TCTN3: variants seen among roughly 807,000 people sequenced by gnomAD.
The protein encoded by TCTN3 is tectonic family member 3, also known as tectonic-3.
TCTN3 carries 57 observed loss-of-function variants against 71.3 expected under a neutral mutation model. The ratio of observed to expected loss-of-function variants is 0.80; its 90% confidence interval spans 0.65 to 1.00. The LOEUF is 1.00. Ranked by LOEUF, TCTN3 falls within the 50% of genes least tolerant of loss-of-function variation. The pLI, the probability that TCTN3 is intolerant of heterozygous loss-of-function variation, is 0.00. For missense variants in TCTN3, 696 were observed against 719.9 expected (o/e 0.97, Z 0.38); for synonymous variants, 258 against 267.8 (o/e 0.96, Z 0.36).
Position 95,664,064 on chromosome 10 carries a change from T to C in TCTN3, c.*3A>G. 1 of 1,612,968 alleles carries C rather than the reference T, an allele frequency of 6.2e-7. No individual in the cohort carries two copies. The highest frequency in any genetic ancestry group is 8.5e-7 in the Non-Finnish European group (1 of 1,179,110). The stretch of plus-strand genomic sequence containing the variant: ...AAACTGAAATCTGATTATTTTCTTT[T>C]CTTCACATAGTCTCTAGGTTGAGAA... On this transcript the variant is annotated 3_prime_UTR_variant, in exon 14 of 14. Transcript: ENST00000371217.
intron 2 of TCTN3, 65 bp downstream of exon 2, chr10:95,693,288 A>G: frequency 1.3e-6 from 2 of 1,545,812 alleles, no homozygotes; most frequent in South Asian, 2.4e-5. Flanking sequence ...CTCTTCTTAC[A>G]TCCAAATGTT....
chr10:95,668,234 C>T (rs1278738824), intron 13 of TCTN3, among the ~76,000 whole-genome samples: 1 of 126,738 alleles, frequency 7.9e-6, no homozygotes, highest in Non-Finnish European at 1.6e-5. Flanking sequence ...TAGCGACACC[C>T]TAACAGATTA....
chr10:95,675,093 A>C (rs1352865538), intron 13 of TCTN3, among the ~76,000 whole-genome samples: 1 of 152,074 alleles, frequency 6.6e-6, no homozygotes, highest in East Asian at 1.9e-4. Context: ...TCAAGTGGTT[A>C]TATGTTTTAT....
intron 12 of TCTN3, 89 bp downstream of exon 12, chr10:95,682,562 T>G: frequency 2.1e-6 from 3 of 1,435,580 alleles, no homozygotes; most frequent in Non-Finnish European, 2.8e-6. Flanking sequence ...GCATTATCTA[T>G]GGAGACAAGG....
In TCTN3 at chr10:95,693,913, C is replaced by T. The variant is rs562527562; in HGVS notation, c.-14G>A. 3.2e-6 allele frequency: 5 copies of T among 1,551,558 alleles called. No individual in the cohort carries two copies. The highest frequency in any genetic ancestry group is 1.7e-4 in the Middle Eastern group (1 of 5,934). On this transcript the variant is annotated 5_prime_UTR_variant, in exon 1 of 14. Coordinates refer to ENST00000371217, the MANE Select transcript of TCTN3 (RefSeq NM_015631.6). ...TGGGGTGCGCATGGGGCATTCAGGG[C>T]CTCCGGGTCCGACGTAGGCCTCCGC...
Position 95,665,684 on chromosome 10 carries a change from G to C in TCTN3, c.1591-1384C>G, listed in dbSNP as rs186803627. 2.2e-4 allele frequency among the ~76,000 whole-genome samples: 34 copies of C among 152,230 alleles called. No individual in the cohort carries two copies. The East Asian group carries it at 6.2e-3, about 28-fold the overall frequency. ...TTCTAACTCATTTCAGAGCCTTTAG[G>C]AGGGCTTATTTGAAACTGCCCTCTC... On this transcript the variant is annotated intron_variant, in intron 13 of 13. Transcript: ENST00000371217.
In TCTN3 at chr10:95,672,160, T is replaced by TTGTGTGTGTGTGTGTGTG. The variant is rs10525130; in HGVS notation, c.1591-7861_1591-7860insCACACACACACACACACA. ...TATCATTAAAAATTAATTATTATTATTGTGTGTGTGTGTCTGGCTTCTTTC... is the reference window on the plus strand; with the variant it reads ...TATCATTAAAAATTAATTATTATTATTGTGTGTGTGTGTGTGTGTGTGTGTGTGTGTCTGGCTTCTTTC... On this transcript the variant is annotated intron_variant, in intron 13 of 13. Coordinates refer to ENST00000371217, the MANE Select transcript of TCTN3 (RefSeq NM_015631.6). Among the ~76,000 whole-genome samples the TTGTGTGTGTGTGTGTGTG allele has an allele frequency of 5.3e-3, 743 of 139,662 alleles. 7 individuals carry two copies. The highest frequency in any genetic ancestry group is 0.014 in the East Asian group (69 of 5,028). The allele number at this position is 139,662 out of a possible 152,430, so 91.6% of individuals were successfully genotyped here. A position where few individuals can be genotyped will look rare whatever the true frequency, so the allele number is the denominator to read the frequency against.
intron 3 of TCTN3, among the ~76,000 whole-genome samples, chr10:95,692,234 C>T (rs1015501388): frequency 1.6e-4 from 25 of 151,956 alleles, no homozygotes; most frequent in African/African-American, 6.0e-4. Flanking sequence ...TGTGGCCAGG[C>T]GCGGTGGCTC....
intron 13 of TCTN3, among the ~76,000 whole-genome samples, chr10:95,669,505 C>A (rs562425859): frequency 6.6e-6 from 1 of 152,166 alleles, no homozygotes; most frequent in African/African-American, 2.4e-5. Context: ...CAAACTCCCA[C>A]CCAAGTTCAG....
intron 13 of TCTN3, among the ~76,000 whole-genome samples, chr10:95,665,479 C>T (rs2097924833): frequency 6.6e-6 from 1 of 152,104 alleles, no homozygotes; most frequent in African/African-American, 2.4e-5. Context: ...CGGGGTTTCA[C>T]CATGTTGGCT....
At chr10:95,682,105 G>GGATA (rs2097943540) in intron 12 of TCTN3, among the ~76,000 whole-genome samples, 1 of 151,406 alleles carries the variant, frequency 6.6e-6, no homozygotes, top group African/African-American at 2.4e-5. Context: ...TGAGGTGGGA[G>GGATA]GATAGCCTGG....
At chr10:95,678,519 G>A (rs553801368) in intron 13 of TCTN3, among the ~76,000 whole-genome samples, 3 of 126,818 alleles carry the variant, frequency 2.4e-5, no homozygotes, top group African/African-American at 8.8e-5. Context: ...GGAAACAAGA[G>A]TGAAACACTG....
rs529071126 is a variant in TCTN3 at position 95,693,876 on chromosome 10, G to A, written c.24C>T (p.Leu8=). The change falls in exon 1 of 14, where the codon CTC becomes CTT. Residue 8 remains leucine, a synonymous_variant. Coordinates refer to ENST00000371217, the MANE Select transcript of TCTN3 (RefSeq NM_015631.6). The part of the protein sequence containing the change: MRTPQLA[L]LQVFFLVFPD... Reference sequence around the variant, plus strand: ...GGAACACCAGAAAGAACACTTGCAGGAGCGCGAGCTGTGGGGTGCGCATGG... The same window carrying A: ...GGAACACCAGAAAGAACACTTGCAGAAGCGCGAGCTGTGGGGTGCGCATGG... 8 of 1,551,692 alleles carry A rather than the reference G, an allele frequency of 5.2e-6. No homozygotes were observed. In the East Asian group the frequency reaches 2.0e-4, roughly 38 times the overall value.
rs1488067537 is a variant in TCTN3 at position 95,687,483 on chromosome 10, G to A, written c.627+109C>T. On this transcript the variant is annotated intron_variant, in intron 4 of 13. Coordinates refer to ENST00000371217, the MANE Select transcript of TCTN3 (RefSeq NM_015631.6). ...GGACAGTACTGCCCTCCAAAGAGCT[G>A]ACAATGGTTTAGCTAGCTGCAGGGT... 3.7e-5 allele frequency: 57 copies of A among 1,541,554 alleles called. No homozygotes were observed. In the East Asian group the frequency reaches 1.2e-3, roughly 33 times the overall value.
chr10:95,685,508 G>A, intron 8 of TCTN3, 48 bp downstream of exon 8: 1 of 1,440,832 alleles, frequency 6.9e-7, no homozygotes, highest in Non-Finnish European at 9.5e-7. Flanking sequence ...ACCTCTGGCA[G>A]TGTTGATTAA....
chr10:95,684,983 T>G (rs2097946885), intron 8 of TCTN3, among the ~76,000 whole-genome samples: 1 of 152,172 alleles, frequency 6.6e-6, no homozygotes, highest in Non-Finnish European at 1.5e-5. Flanking sequence ...TGTTTGAGAA[T>G]TAATAAAGAT....
intron 13 of TCTN3, among the ~76,000 whole-genome samples, chr10:95,670,110 AC>A (rs1312987713): frequency 6.7e-6 from 1 of 149,226 alleles, no homozygotes; most frequent in East Asian, 2.0e-4. Flanking sequence ...GATCTATTTG[AC>A]CCTTTTTCCT....
intron 2 of TCTN3, 43 bp from the exon 3 acceptor site, chr10:95,693,081 G>T: frequency 6.8e-7 from 1 of 1,472,408 alleles, no homozygotes; most frequent in East Asian, 2.4e-5. Flanking sequence ...AGAAGGGGCG[G>T]GGCAGGTCCA....
intron 4 of TCTN3, 110 bp downstream of exon 4, chr10:95,687,482 T>G: frequency 1.3e-6 from 2 of 1,545,196 alleles, no homozygotes; most frequent in Non-Finnish European, 1.8e-6. Context: ...TCCAAAGAGC[T>G]GACAATGGTT....
Sources: gnomAD v4.1 joint callset for allele counts (sites outside exome capture counted in the v4.1 genomes callset) on GRCh38, gnomAD v4.1.1 for gene constraint, MANE v1.5 for transcripts, NCBI Gene and HGNC (gene_info 2026-07-23, HGNC 2026-07-21) for gene names.